EPB41L1: variants seen among roughly 807,000 people sequenced by gnomAD.
EPB41L1 encodes the protein band 4.1-like protein 1.
Under a neutral mutation model 97.8 loss-of-function variants are expected in EPB41L1, and 29 were observed. The ratio of observed to expected loss-of-function variants is 0.30; its 90% CI spans 0.22 to 0.40. The LOEUF (loss-of-function observed/expected upper bound fraction) is 0.40. Ranked by LOEUF, EPB41L1 falls within the 10% of genes least tolerant of loss-of-function variation. The probability of loss-of-function intolerance (pLI) is 1.00; values close to 1 mark genes in which losing one functional copy is unlikely to be tolerated. For synonymous variants in EPB41L1, 383 were observed against 459.2 expected, an observed-to-expected ratio of 0.83 and a Z score of 2.12; for missense variants, 812 against 1,162.3, an observed-to-expected ratio of 0.70 and a Z score of 4.38.
At chr20:36,208,932 C>T (rs1228759273) in intron 14 of EPB41L1, among the ~76,000 whole-genome samples, 1 of 152,194 alleles carries the variant, frequency 6.6e-6, no homozygotes, top group Non-Finnish European at 1.5e-5. Context: ...CCCTGAATTG[C>T]TCTTCTCTCT....
chr20:36,204,919 G>C (rs950651348), intron 14 of EPB41L1, among the ~76,000 whole-genome samples: 1 of 152,222 alleles, frequency 6.6e-6, no homozygotes, highest in African/African-American at 2.4e-5. Context: ...GGGATTACAG[G>C]CGTGAGCCAC....
At chr20:36,096,732 C>A (rs533414973) in intron 1 of EPB41L1, among the ~76,000 whole-genome samples, 31 of 152,350 alleles carry the variant, frequency 2.0e-4, no homozygotes, top group Middle Eastern at 6.8e-3. Context: ...TTGTTTGTCC[C>A]TTTACTAGAC....
chr20:36,205,861 T>C (rs2062769272), intron 14 of EPB41L1: 1 of 1,288,688 alleles, frequency 7.8e-7, no homozygotes, highest in African/African-American at 1.5e-5. Context: ...TTCAGAGCAT[T>C]GGGTATTTAT....
At chr20:36,184,591 CAT>C (rs1453527353) in intron 6 of EPB41L1, among the ~76,000 whole-genome samples, 1 of 152,168 alleles carries the variant, frequency 6.6e-6, no homozygotes, top group Non-Finnish European at 1.5e-5. Flanking sequence ...GGTAGAGTCA[CAT>C]GTGCTGACAT....
intron 11 of EPB41L1, among the ~76,000 whole-genome samples, chr20:36,193,936 A>G (rs1457269333): frequency 6.6e-6 from 1 of 152,218 alleles, no homozygotes. Flanking sequence ...ATATTATGTA[A>G]CTTACCCAAG....
upstream of EPB41L1, among the ~76,000 whole-genome samples, chr20:36,154,077 C>T (rs181728407): frequency 9.4e-4 from 143 of 152,246 alleles, no homozygotes; most frequent in Non-Finnish European, 1.7e-3. The surrounding 1 kb of genome is among the most constrained non-coding windows in gnomAD (Gnocchi z 5.5). Flanking sequence ...GTCACCAAGG[C>T]GCATGTGGAC....
chr20:36,134,333 G>T (rs2746086), intron 2 of EPB41L1, among the ~76,000 whole-genome samples: 40,935 of 152,138 alleles, frequency 0.27, 6,788 homozygotes, highest in African/African-American at 0.47. Context: ...TTTGCCACTG[G>T]CTCACGCTGT....
intron 1 of EPB41L1, among the ~76,000 whole-genome samples, chr20:36,098,247 A>G (rs898518320): frequency 1.3e-5 from 2 of 152,124 alleles, no homozygotes; most frequent in African/African-American, 2.4e-5. Flanking sequence ...AAAGCTGCCT[A>G]ATGAGTGGGA....
intron 2 of EPB41L1, among the ~76,000 whole-genome samples, chr20:36,115,955 T>C (rs1684820086): frequency 6.6e-6 from 1 of 152,162 alleles, no homozygotes; most frequent in Non-Finnish European, 1.5e-5. Context: ...ATTGTCCCCA[T>C]TTTCCAGGGG....
At chr20:36,222,430 G>A in intron 21 of EPB41L1, 36 bp downstream of exon 21, 1 of 1,536,092 alleles carries the variant, frequency 6.5e-7, no homozygotes, top group Non-Finnish European at 9.0e-7. Flanking sequence ...ATGAGAGAGA[G>A]GAGGGAGCAG....
upstream of EPB41L1, chr20:36,150,653 G>A (rs6121166): frequency 9.2e-5 from 14 of 152,176 alleles, no homozygotes; most frequent in African/African-American, 3.1e-4. Flanking sequence ...AGCTGTGAAA[G>A]GGATTAATAA....
rs1189859383 is a variant in EPB41L1, at chr20:36,207,266, C to A, written c.1669-2222C>A. 7.8e-7 allele frequency: 1 copy of A among 1,277,528 alleles called. No homozygotes were observed. The highest frequency in any genetic ancestry group is 5.6e-5 in the East Asian group (1 of 17,808). 79.1% of individuals were successfully genotyped at this position (1,277,528 alleles called of 1,614,324 possible). ...GTAGGGTTTGTGGTGTCCCCTGCCA[C>A]AGGAGGTGAGCGCAGGCCTCCTCCC... On this transcript the variant is annotated intron_variant, in intron 14 of 21. Transcript: ENST00000338074. This position sits in a 1 kb window ranked among gnomAD's most constrained non-coding sequence, Gnocchi z 4.9.
chr20:36,144,154 C>G (rs957590937), intron 2 of EPB41L1, among the ~76,000 whole-genome samples: 3 of 152,110 alleles, frequency 2.0e-5, no homozygotes, highest in African/African-American at 7.2e-5. Flanking sequence ...CGCCCAGCCC[C>G]CTAAAAGGTT....
intron 2 of EPB41L1, among the ~76,000 whole-genome samples, chr20:36,141,569 G>A (rs551197438): frequency 1.2e-4 from 19 of 152,276 alleles, no homozygotes; most frequent in Admixed American, 5.2e-4. Context: ...TGAAAGGTGG[G>A]GGCTCTAGTG....
In EPB41L1 at chr20:36,170,142, T is replaced by TA. The variant is rs561819625; in HGVS notation, c.-14-3622_-14-3621insA. Among the ~76,000 whole-genome samples the TA allele has an allele frequency of 8.3e-4, 122 of 147,744 alleles. No homozygotes were observed. The South Asian group carries it at 0.011, about 14-fold the overall frequency. On this transcript the variant is annotated intron_variant, in intron 1 of 21. Coordinates refer to ENST00000338074, the MANE Select transcript of EPB41L1 (RefSeq NM_012156.2). ...TGTGAAATAAAGATTTCATCATAGA[T>TA]TTTTTTTTTTAAAGATGTTATTTTT... is the stretch of plus-strand genomic sequence containing the variant.
At chr20:36,109,354 C>T (rs527733602) in intron 1 of EPB41L1, among the ~76,000 whole-genome samples, 13 of 152,226 alleles carry the variant, frequency 8.5e-5, no homozygotes, top group Non-Finnish European at 1.8e-4. Context: ...CTTTGCTGAA[C>T]TTGAGCCTTT....
At chr20:36,095,086 C>T (rs2147451369) in intron 1 of EPB41L1, among the ~76,000 whole-genome samples, 2 of 152,250 alleles carry the variant, frequency 1.3e-5, no homozygotes, top group Middle Eastern at 3.4e-3. Flanking sequence ...ATTCTTCTTC[C>T]TCAGCCTCCC....
At chr20:36,180,269 C>T (rs1262695609) in intron 5 of EPB41L1, among the ~76,000 whole-genome samples, 1 of 152,226 alleles carries the variant, frequency 6.6e-6, no homozygotes, top group Non-Finnish European at 1.5e-5. Context: ...CCCTCTGTGA[C>T]AGCACCTCAG....
chr20:36,225,694 C>T (rs2064102205), intron 21 of EPB41L1, among the ~76,000 whole-genome samples: 1 of 152,130 alleles, frequency 6.6e-6, no homozygotes, highest in Non-Finnish European at 1.5e-5. Flanking sequence ...CCTGGGGTAT[C>T]TGTTGTGCTT....
Sources: gnomAD v4.1 joint callset for allele counts (sites outside exome capture counted in the v4.1 genomes callset) on GRCh38, gnomAD v4.1.1 for gene constraint, Gnocchi (gnomAD v3.1) non-coding constraint, MANE v1.5 for transcripts, NCBI Gene and HGNC (gene_info 2026-07-23, HGNC 2026-07-21) for gene names.